Variants in DCC observed in about 807,000 individuals in gnomAD.
DCC encodes DCC netrin 1 receptor.
DCC carries 58 observed loss-of-function variants against 172.5 expected under a neutral mutation model. The observed-to-expected ratio is 0.34, with a 90% CI of 0.27 to 0.42. DCC has a LOEUF of 0.42. DCC is among the 10% of genes least tolerant of loss of function. The pLI is 1.00. For missense variants in DCC, 1,740 were observed against 1,791.0 expected, an observed-to-expected ratio of 0.97 and a Z score of 0.51; for synonymous variants, 709 against 644.5, an observed-to-expected ratio of 1.10 and a Z score of -1.52.
At chr18:53,503,765 T>C (rs1226749712) in intron 27 of DCC, among the ~76,000 whole-genome samples, 1 of 152,202 alleles carries the variant, frequency 6.6e-6, no homozygotes, top group Non-Finnish European at 1.5e-5. Flanking sequence ...ATAGTGACCT[T>C]TATATCATAA....
intron 1 of DCC, among the ~76,000 whole-genome samples, chr18:52,375,800 T>A (rs1361701068): frequency 6.6e-6 from 1 of 152,190 alleles, no homozygotes; most frequent in Non-Finnish European, 1.5e-5. Flanking sequence ...AGAAGAGACA[T>A]CCTGTGGGTT....
At chr18:52,957,443 C>CAA (rs1211561690) in intron 5 of DCC, among the ~76,000 whole-genome samples, 5 of 151,764 alleles carry the variant, frequency 3.3e-5, no homozygotes, top group Non-Finnish European at 5.9e-5. Flanking sequence ...TTCAGCAGAA[C>CAA]AAAGGAACTA....
At chr18:52,845,403 A>G (rs2038868884) in intron 2 of DCC, among the ~76,000 whole-genome samples, 1 of 152,238 alleles carries the variant, frequency 6.6e-6, no homozygotes, top group African/African-American at 2.4e-5. Flanking sequence ...TCAAAGAGAA[A>G]AAGCCATCAT....
At chr18:52,799,792 G>A (rs537290466) in intron 2 of DCC, among the ~76,000 whole-genome samples, 4 of 152,158 alleles carry the variant, frequency 2.6e-5, no homozygotes, top group African/African-American at 9.6e-5. Context: ...CTGATACTTT[G>A]TTTTATCTGT....
intron 2 of DCC, among the ~76,000 whole-genome samples, chr18:52,863,065 C>T (rs899187501): frequency 1.3e-5 from 2 of 151,930 alleles, no homozygotes; most frequent in Non-Finnish European, 2.9e-5. Flanking sequence ...ACAATTTTTC[C>T]TATTTTCTTT....
intron 17 of DCC, among the ~76,000 whole-genome samples, chr18:53,394,301 G>A (rs920506680): frequency 6.6e-6 from 1 of 152,188 alleles, no homozygotes; most frequent in African/African-American, 2.4e-5. Flanking sequence ...GAAGACAGAG[G>A]TAGGTGATAT....
intron 22 of DCC, among the ~76,000 whole-genome samples, chr18:53,437,933 T>A (rs1427831943): frequency 6.6e-6 from 1 of 151,910 alleles, no homozygotes; most frequent in Admixed American, 6.6e-5. Flanking sequence ...AAAGCAGAAA[T>A]ATACACCCCA....
chr18:53,044,051 T>C lies in DCC; in HGVS notation c.986-19254T>C, dbSNP rs148596298. Among the ~76,000 whole-genome samples the C allele has an allele frequency of 2.6e-4, 39 of 152,022 alleles. No individual in the cohort carries two copies. In the East Asian group the frequency reaches 7.4e-3, roughly 29 times the overall value. The stretch of plus-strand genomic sequence containing the variant: ...TTCATAAAGAGTTCGATATTACTGT[T>C]CTTGCCTACTAATATCCGGATTATT... On this transcript the variant is annotated intron_variant, in intron 5 of 28. Transcript: ENST00000442544.
At chr18:53,047,264 A>AATTT (rs1470400139) in intron 5 of DCC, among the ~76,000 whole-genome samples, 1,371 of 16,936 alleles carry the variant, frequency 0.081, 115 homozygotes, top group African/African-American at 0.32. Flanking sequence ...ATATATATAT[A>AATTT]TATATATATA....
intron 1 of DCC, among the ~76,000 whole-genome samples, chr18:52,647,804 A>G (rs2144916645): frequency 6.6e-6 from 1 of 152,346 alleles, no homozygotes; most frequent in Admixed American, 6.5e-5. Context: ...GACTGATCAA[A>G]CTACTGCTAC....
chr18:52,811,202 A>G (rs1287812502), intron 2 of DCC, among the ~76,000 whole-genome samples: 1 of 152,214 alleles, frequency 6.6e-6, no homozygotes, highest in Non-Finnish European at 1.5e-5. Flanking sequence ...CAAACTGGCA[A>G]ATTGTCATTA....
chr18:53,281,197 C>T (rs1356927638), intron 12 of DCC, among the ~76,000 whole-genome samples: 2 of 152,070 alleles, frequency 1.3e-5, no homozygotes, highest in African/African-American at 4.8e-5. Flanking sequence ...AATATAGCTA[C>T]AAAACAGTAT....
At chr18:53,324,178 A>G (rs531213331) in intron 14 of DCC, among the ~76,000 whole-genome samples, 4 of 152,196 alleles carry the variant, frequency 2.6e-5, no homozygotes, top group African/African-American at 9.7e-5. Flanking sequence ...ATAGGAGTTT[A>G]AAAAAAGTAA....
rs1272376798 is a variant in DCC, at chr18:53,531,068, C to G, written c.*415C>G. ...TAAGCCTGTACCATGCCATGGCAAA[C>G]CAGTGCAAGCTCACTATTTTGTTTT... On this transcript the variant is annotated 3_prime_UTR_variant, in exon 29 of 29. Coordinates refer to ENST00000442544, the MANE Select transcript of DCC (RefSeq NM_005215.4). The G allele has an allele frequency of 4.1e-6, 1 of 245,536 alleles. No individual in the cohort carries two copies. Among genetic ancestry groups the G allele is most frequent in the Non-Finnish European group, 8.1e-6 (1 of 123,422 alleles). The allele number at this position is 245,536 out of a possible 1,614,324, so 15.2% of individuals were successfully genotyped here.
At chr18:52,839,303 G>A (rs575058328) in intron 2 of DCC, among the ~76,000 whole-genome samples, 14 of 152,258 alleles carry the variant, frequency 9.2e-5, no homozygotes, top group South Asian at 6.2e-4. Context: ...GTGCATGTGC[G>A]TGCTGGAGTC....
chr18:53,353,422 T>C lies in DCC; in HGVS notation c.2359+13515T>C, dbSNP rs112320216. Among the ~76,000 whole-genome samples, 5 of 152,064 alleles carry C rather than the reference T, an allele frequency of 3.3e-5. No individual in the cohort carries two copies. In the South Asian group the frequency reaches 6.2e-4, roughly 19 times the overall value. On this transcript the variant is annotated intron_variant, in intron 15 of 28. Coordinates refer to ENST00000442544, the MANE Select transcript of DCC (RefSeq NM_005215.4). ...CTGAGCTAAGACAAAAATAGATAAA[T>C]AAATATCCTTTAAAGGTTAAAAAAA... is the stretch of plus-strand genomic sequence containing the variant.
intron 1 of DCC, among the ~76,000 whole-genome samples, chr18:52,442,592 AC>A (rs750422004): frequency 3.3e-5 from 5 of 151,986 alleles, no homozygotes; most frequent in Non-Finnish European, 7.4e-5. Context: ...GGGCTTTCTC[AC>A]TCTTTCTTAG....
chr18:53,203,407 G>GAA (rs765539098), intron 9 of DCC, among the ~76,000 whole-genome samples: 1 of 150,918 alleles, frequency 6.6e-6, no homozygotes, highest in African/African-American at 2.4e-5. Context: ...TGGCAAGAAG[G>GAA]AAAAAAAACA....
chr18:52,649,375 A>G (rs1047998951), intron 1 of DCC, among the ~76,000 whole-genome samples: 9 of 148,862 alleles, frequency 6.0e-5, no homozygotes, highest in Non-Finnish European at 1.2e-4. Flanking sequence ...TCCGTATCAA[A>G]AAAAAAAAAA....
Sources: allele counts gnomAD v4.1 joint callset (sites outside exome capture counted in the v4.1 genomes callset), GRCh38; gene constraint gnomAD v4.1.1; transcripts MANE v1.5; gene names NCBI Gene and HGNC (gene_info 2026-07-23, HGNC 2026-07-21).